The following UNC13A variants were observed in gnomAD, a reference collection of about 807,000 sequenced individuals.
UNC13A encodes the protein unc-13 homolog A, also known as protein unc-13 homolog A.
UNC13A carries 61 observed loss-of-function variants against 219.7 expected under a neutral mutation model. The observed-to-expected ratio is 0.28, with a 90% confidence interval of 0.23 to 0.34. UNC13A has a LOEUF of 0.34. Ranked by LOEUF, UNC13A falls within the 10% of genes least tolerant of loss-of-function variation. The pLI, the probability that UNC13A is intolerant of heterozygous loss-of-function variation, is 1.00. For synonymous variants in UNC13A, 920 were observed against 884.6 expected (o/e 1.04, Z -0.71); for missense variants, 1,476 against 2,270.3 (o/e 0.65, Z 7.11).
At chr19:17,633,318 C>A in intron 26 of UNC13A, 125 bp from the exon 27 acceptor site, 1 of 791,994 alleles carries the variant, frequency 1.3e-6, no homozygotes. Context: ...CAGGTTCCCT[C>A]ATAGCCACTG....
intron 17 of UNC13A, 126 bp downstream of exon 17, chr19:17,647,139 G>C: frequency 2.3e-6 from 2 of 871,506 alleles, no homozygotes; most frequent in South Asian, 3.3e-5. Context: ...ACGGAGATGA[G>C]ATGGAATGCA....
rs367989391 is a variant in UNC13A, at chr19:17,640,537, C to T, written c.2761G>A (p.Asp921Asn). 3.9e-6 allele frequency: 6 copies of T among 1,551,630 alleles called. No homozygotes were observed. The highest frequency in any genetic ancestry group is 2.7e-5 in the African/African-American group (2 of 73,244). ...CCAAAGTTGGAGGCGGCGAAGCGGT[C>T]GGAGGCAGACACGTTGGTGGAGGCG... is the stretch of plus-strand genomic sequence containing the variant. ...TTASTNVSAS[D>N]RFAASNFGKE... Residue 921 changes from aspartate (D) to asparagine (N), a missense_variant, in exon 22 of 44, where the codon GAC becomes AAC. Transcript: ENST00000519716.
chr19:17,686,820 G>C (rs1406698699), intron 1 of UNC13A, among the ~76,000 whole-genome samples: 1 of 151,892 alleles, frequency 6.6e-6, no homozygotes. Context: ...ATCGGCCGAG[G>C]GGGAGGGGAG....
At chr19:17,620,151 G>A (rs906618424) in intron 38 of UNC13A, among the ~76,000 whole-genome samples, 8 of 152,186 alleles carry the variant, frequency 5.3e-5, no homozygotes, top group African/African-American at 1.9e-4. Flanking sequence ...GTGGCTAACA[G>A]GGATACCCAT....
intron 1 of UNC13A, among the ~76,000 whole-genome samples, chr19:17,677,194 G>T (rs2079914697): frequency 6.6e-6 from 1 of 152,002 alleles, no homozygotes; most frequent in Non-Finnish European, 1.5e-5. Flanking sequence ...TCAAAGCCAT[G>T]TCGCCCCCTC....
At chr19:17,638,581 C>G (rs867411151) in intron 25 of UNC13A, among the ~76,000 whole-genome samples, 24 of 152,128 alleles carry the variant, frequency 1.6e-4, no homozygotes, top group African/African-American at 5.1e-4. Flanking sequence ...AATCTCAGTA[C>G]TTTGGGAGGC....
At chr19:17,616,408 C>T (rs985040864) in intron 41 of UNC13A, 13 of 697,324 alleles carry the variant, frequency 1.9e-5, no homozygotes, top group Middle Eastern at 2.3e-4. Flanking sequence ...AGGCACGTAC[C>T]CTTCTCAGGA....
chr19:17,628,351 C>A (rs2144991618), intron 31 of UNC13A: 1 of 218,004 alleles, frequency 4.6e-6, no homozygotes, highest in Non-Finnish European at 9.3e-6. Flanking sequence ...AGACCCCCCC[C>A]ACAGATACAC....
intron 1 of UNC13A, among the ~76,000 whole-genome samples, chr19:17,687,392 C>T (rs2080134815): frequency 1.3e-5 from 2 of 152,186 alleles, no homozygotes; most frequent in African/African-American, 4.8e-5. Flanking sequence ...GGAGACATTG[C>T]TCTTCCAAGA....
intron 22 of UNC13A, 21 bp downstream of exon 22, chr19:17,640,490 A>G: frequency 6.5e-7 from 1 of 1,544,226 alleles, no homozygotes; most frequent in Non-Finnish European, 8.7e-7. Flanking sequence ...TAATTCTCCA[A>G]TCCCAGTCCC....
At position 17,655,914 on chromosome 19, in the gene UNC13A, G is replaced by T. The variant is rs754389244; in HGVS notation, c.1252C>A (p.Pro418Thr). 6.6e-7 allele frequency: 1 copy of T among 1,526,076 alleles called. No individual in the cohort carries two copies. The highest frequency in any genetic ancestry group is 1.3e-5 in the South Asian group (1 of 76,204). The allele number at this position is 1,526,076 out of a possible 1,614,324, so 94.5% of individuals were successfully genotyped here. A position where few individuals can be genotyped will look rare whatever the true frequency, so the allele number is the denominator to read the frequency against. ...TCGTCCTTGGGTGGCTCAGCCTCAG[G>T]GATCTGCTCAGCTGCAGGCACCTTG... ...PDKVPAAEQI[P>T]EAEPPKDEES... The change falls in exon 10 of 44, where the codon CCT becomes ACT. Residue 418 changes from proline (P) to threonine (T), a missense_variant. Around this residue, in one of 14 missense-constraint regions of UNC13A, gnomAD observed 351 missense variants for 342.6 expected, o/e 1.02. Transcript: ENST00000519716.
At chr19:17,659,585 T>C (rs1032532858) in intron 8 of UNC13A, among the ~76,000 whole-genome samples, 2 of 151,888 alleles carry the variant, frequency 1.3e-5, no homozygotes, top group Admixed American at 6.6e-5. Context: ...CTGGGCAACA[T>C]AGTAAGGCCC....
rs141159491 is a variant in UNC13A, at chr19:17,625,449, G to C, written c.4074-497C>G. On this transcript the variant is annotated intron_variant, in intron 34 of 43. Coordinates refer to ENST00000519716, the MANE Select transcript of UNC13A (RefSeq NM_001080421.3). The stretch of plus-strand genomic sequence containing the variant: ...TTGAAGGAGACAGGCAGTCCACCAA[G>C]ATCCATCCACCAACTGATCCAGTCA... Among the ~76,000 whole-genome samples, 535 of 152,156 alleles carry C rather than the reference G, an allele frequency of 3.5e-3. 7 individuals carry two copies. Among genetic ancestry groups the C allele is most frequent in the African/African-American group, 0.012 (501 of 41,502 alleles).
intron 25 of UNC13A, among the ~76,000 whole-genome samples, chr19:17,638,217 G>A (rs2145031762): frequency 6.6e-6 from 1 of 152,214 alleles, no homozygotes; most frequent in South Asian, 2.1e-4. Flanking sequence ...GCTCATGCCT[G>A]TAATCCCAGC....
In UNC13A at chr19:17,605,983, G is replaced by A. The variant is rs374274380; in HGVS notation, c.*71C>T. The A allele has an allele frequency of 3.0e-6, 4 of 1,340,696 alleles. No homozygotes were observed. The highest frequency in any genetic ancestry group is 1.9e-6 in the Non-Finnish European group (2 of 1,041,278). The allele number at this position is 1,340,696 out of a possible 1,614,324, so 83.0% of individuals were successfully genotyped here. A position where few individuals can be genotyped will look rare whatever the true frequency, so the allele number is the denominator to read the frequency against. On this transcript the variant is annotated 3_prime_UTR_variant, in exon 44 of 44. Transcript: ENST00000519716. ...CCCGCCCCTGGGGAGGTCCCACCAAGGCGCAAGCCCCGTCCCTCCCCGCCC... is the reference window on the plus strand; with the variant it reads ...CCCGCCCCTGGGGAGGTCCCACCAAAGCGCAAGCCCCGTCCCTCCCCGCCC...
At chr19:17,630,917 C>G (rs772745380) in intron 28 of UNC13A, among the ~76,000 whole-genome samples, 167 bp from the exon 29 acceptor site, 12 of 152,064 alleles carry the variant, frequency 7.9e-5, no homozygotes, top group Non-Finnish European at 1.5e-4. Context: ...CTGCACTGAA[C>G]CTCAGTTACT....
rs1302638157 is a variant in UNC13A at position 17,606,359 on chromosome 19, G to A, written c.4812-5C>T. The A allele has an allele frequency of 6.5e-7, 1 of 1,541,916 alleles. No homozygotes were observed. The highest frequency in any genetic ancestry group is 8.7e-7 in the Non-Finnish European group (1 of 1,146,506). ...CCCGCGTCGGCGCTCAGCGTGCTGC[G>A]TGGGGAGGGGCGGAACGTGAGACAG... On this transcript the variant is annotated splice_region_variant and splice_polypyrimidine_tract_variant and intron_variant, in intron 43 of 43. Coordinates refer to ENST00000519716, the MANE Select transcript of UNC13A (RefSeq NM_001080421.3).
rs773067248 is a variant in UNC13A, at chr19:17,611,744, C to T, written c.4651+19G>A. 5 of 1,610,764 alleles carry T rather than the reference C, an allele frequency of 3.1e-6. No individual in the cohort carries two copies. The highest frequency in any genetic ancestry group is 8.5e-7 in the Non-Finnish European group (1 of 1,177,160). On this transcript the variant is annotated intron_variant, in intron 42 of 43. Coordinates refer to ENST00000519716, the MANE Select transcript of UNC13A (RefSeq NM_001080421.3). Reference sequence around the variant, plus strand: ...CTGTTTTAGAACCTAGCAAGTCCCTCCCACCTCAGACCACTCACCTTTCAC... The same window carrying T: ...CTGTTTTAGAACCTAGCAAGTCCCTTCCACCTCAGACCACTCACCTTTCAC...
chr19:17,626,278 A>T (rs1450329405), intron 34 of UNC13A: 1 of 197,066 alleles, frequency 5.1e-6, no homozygotes, highest in Non-Finnish European at 1.0e-5. Flanking sequence ...ACATTTATTA[A>T]TCCATCCAAA....
Sources: gnomAD v4.1 joint callset for allele counts (sites outside exome capture counted in the v4.1 genomes callset) on GRCh38, gnomAD v4.1.1 for gene constraint, gnomAD v4.1.1 regional missense constraint, MANE v1.5 for transcripts, NCBI Gene and HGNC (gene_info 2026-07-23, HGNC 2026-07-21) for gene names.